SGCD: variants seen among roughly 807,000 people sequenced by gnomAD.
SGCD encodes delta-sarcoglycan.
Under a neutral mutation model 36.6 loss-of-function variants are expected in SGCD, and 18 were observed. The ratio of observed to expected loss-of-function variants is 0.49; its 90% CI spans 0.34 to 0.73. The LOEUF (loss-of-function observed/expected upper bound fraction) is 0.73, where lower values mean the gene tolerates loss of function less well. Ranked by LOEUF, SGCD falls within the 30% of genes least tolerant of loss-of-function variation. The pLI, the probability that SGCD is intolerant of heterozygous loss-of-function variation, is 0.01. For synonymous variants in SGCD, 133 were observed against 130.6 expected (o/e 1.02, Z -0.12); for missense variants, 387 against 346.7 (o/e 1.12, Z -0.92).
At chr5:155,835,002 A>ATTTTTTTTTTT in the SGCD span, among the ~76,000 whole-genome samples, 6 of 60,184 alleles carry the variant, frequency 1.0e-4, no homozygotes, top group African/African-American at 1.2e-4. Context: ...TGCCCAGCTA[A>ATTTTTTTTTTT]TTTTTTTTTT....
rs1340203332 is a variant in SGCD at position 156,423,284 on chromosome 5, A to G, written c.192+78607A>G. 6.3e-4 allele frequency among the ~76,000 whole-genome samples: 77 copies of G among 121,510 alleles called. 2 individuals are homozygous for G. The highest frequency in any genetic ancestry group is 2.4e-3 in the African/African-American group (74 of 30,356). 79.7% of individuals were successfully genotyped at this position (121,510 alleles called of 152,430 possible). A position where few individuals can be genotyped will look rare whatever the true frequency, so the allele number is the denominator to read the frequency against. ...TTATTATAATATAACATTATATTAT[A>G]TTTTATTATAATATAATATATTTTA... On this transcript the variant is annotated intron_variant, in intron 3 of 8. Transcript: ENST00000337851.
chr5:155,951,498 G>A (rs1469474604), intron 1 of SGCD, among the ~76,000 whole-genome samples: 2 of 152,102 alleles, frequency 1.3e-5, no homozygotes, highest in African/African-American at 4.8e-5. Context: ...TCAAGAAAGT[G>A]GTTATCCTAA....
At chr5:156,432,249 G>T (rs1052417231) in intron 3 of SGCD, among the ~76,000 whole-genome samples, 4 of 152,178 alleles carry the variant, frequency 2.6e-5, no homozygotes, top group Admixed American at 6.5e-5. Flanking sequence ...TGCTAGTTAT[G>T]CTAGTAGTGA....
At chr5:156,374,995 T>C (rs1211811870) in intron 3 of SGCD, among the ~76,000 whole-genome samples, 2 of 152,218 alleles carry the variant, frequency 1.3e-5, no homozygotes, top group Non-Finnish European at 2.9e-5. Context: ...GTCTTTTTTG[T>C]TTTGCGTGTG....
intron 3 of SGCD, among the ~76,000 whole-genome samples, chr5:156,127,639 A>G (rs1457804575): frequency 1.3e-5 from 2 of 151,942 alleles, no homozygotes; most frequent in Admixed American, 1.3e-4. Context: ...AATAAATAAT[A>G]AAACAATAGA....
At chr5:156,027,491 A>G (rs1759248920) in intron 1 of SGCD, among the ~76,000 whole-genome samples, 1 of 152,202 alleles carries the variant, frequency 6.6e-6, no homozygotes, top group South Asian at 2.1e-4. Flanking sequence ...TTTTATTAGA[A>G]TATGATGACA....
intron 3 of SGCD, among the ~76,000 whole-genome samples, chr5:156,300,035 T>A (rs1767012048): frequency 6.6e-6 from 1 of 152,048 alleles, no homozygotes; most frequent in African/African-American, 2.4e-5. Context: ...GGCTTTCAGT[T>A]TTTTCCCCAT....
rs376886906 is a variant in SGCD, at chr5:155,917,302, C to T, written c.-282+46878C>T. Among the ~76,000 whole-genome samples, 14 of 152,230 alleles carry T rather than the reference C, an allele frequency of 9.2e-5. No individual in the cohort carries two copies. In the East Asian group the frequency reaches 1.2e-3, roughly 13 times the overall value. On this transcript the variant is annotated intron_variant, in intron 1 of 9. Transcript: ENST00000517913. ...GCTCAAAGTATGTGAGGGTGGGCCT[C>T]GGTGGCCTCCTGTGTTAAACGAGGT...
intron 3 of SGCD, among the ~76,000 whole-genome samples, chr5:156,212,208 G>T (rs1561567574): frequency 6.6e-6 from 1 of 152,200 alleles, no homozygotes; most frequent in Non-Finnish European, 1.5e-5. Flanking sequence ...ACAATCAAAA[G>T]TTATGGAGTG....
intron 4 of SGCD, among the ~76,000 whole-genome samples, chr5:156,517,029 T>C (rs1238582372): frequency 2.6e-5 from 4 of 152,046 alleles, no homozygotes; most frequent in Admixed American, 2.6e-4. Flanking sequence ...AACAGGTGGG[T>C]AATAACGGAC....
chr5:156,558,113 ATATATATATATT>A (rs900636167), intron 4 of SGCD, among the ~76,000 whole-genome samples: 28 of 134,710 alleles, frequency 2.1e-4, no homozygotes, highest in African/African-American at 4.4e-4. Flanking sequence ...ATATATATAT[ATATATATATATT>A]ATTTAACTCT....
Position 156,183,346 on chromosome 5 carries a change from C to A in SGCD, c.-44+59327C>A, listed in dbSNP as rs143106579. ...AGGATGAGATTGAAATCACAGTACC[C>A]CACTTGGCCTAGTAATGAACAATAT... is the stretch of plus-strand genomic sequence containing the variant. On this transcript the variant is annotated intron_variant, in intron 3 of 9. Transcript: ENST00000517913. Among the ~76,000 whole-genome samples, 615 of 152,188 alleles carry A rather than the reference C, an allele frequency of 4.0e-3. 6 individuals are homozygous for A. The highest frequency in any genetic ancestry group is 0.014 in the African/African-American group (564 of 41,510).
At chr5:156,384,397 T>G (rs188535702) in intron 3 of SGCD, among the ~76,000 whole-genome samples, 92 of 152,334 alleles carry the variant, frequency 6.0e-4, no homozygotes, top group Admixed American at 1.4e-3. Context: ...GAATGTTTCC[T>G]ATCAAAGCCT....
chr5:156,410,437 G>A (rs942680109), intron 3 of SGCD, among the ~76,000 whole-genome samples: 9 of 152,234 alleles, frequency 5.9e-5, no homozygotes, highest in Non-Finnish European at 4.4e-5. Context: ...CTACCTGGGT[G>A]ATGGGATCAT....
intron 1 of SGCD, among the ~76,000 whole-genome samples, chr5:155,964,685 G>T (rs1447976196): frequency 1.3e-5 from 2 of 152,058 alleles, no homozygotes; most frequent in Non-Finnish European, 2.9e-5. Flanking sequence ...AGATGAGGAT[G>T]CTGGGCATCC....
At chr5:156,226,269 C>G (rs1013373772) in intron 3 of SGCD, among the ~76,000 whole-genome samples, 2 of 152,082 alleles carry the variant, frequency 1.3e-5, no homozygotes, top group African/African-American at 4.8e-5. Context: ...CATTCTTATG[C>G]CTTTGCATCC....
intron 3 of SGCD, among the ~76,000 whole-genome samples, chr5:156,225,524 T>C (rs1764832267): frequency 6.6e-6 from 1 of 152,094 alleles, no homozygotes; most frequent in Non-Finnish European, 1.5e-5. Flanking sequence ...AACCATGAAA[T>C]GGCATTCTGT....
At chr5:156,449,677 CAAAAAAAAAAAAAA>C (rs397883573) in intron 3 of SGCD, among the ~76,000 whole-genome samples, 1 of 46,050 alleles carries the variant, frequency 2.2e-5, no homozygotes, top group Non-Finnish European at 3.9e-5. Flanking sequence ...ACTAAAAATA[CAAAAAAAAAAAAAA>C]AAAAAAAAAA....
chr5:155,921,533 A>G (rs2113375299), intron 1 of SGCD, among the ~76,000 whole-genome samples: 1 of 151,816 alleles, frequency 6.6e-6, no homozygotes, highest in South Asian at 2.1e-4. Context: ...GACTCTGGAA[A>G]GAAAGGGGAC....
Sources: gnomAD v4.1 joint callset for allele counts (sites outside exome capture counted in the v4.1 genomes callset) on GRCh38, gnomAD v4.1.1 for gene constraint, MANE v1.5 for transcripts, NCBI Gene and HGNC (gene_info 2026-07-23, HGNC 2026-07-21) for gene names.